Variants in PDE10A observed in about 807,000 individuals in gnomAD.
The protein encoded by PDE10A is phosphodiesterase 10A, also known as cAMP and cAMP-inhibited cGMP 3',5'-cyclic phosphodiesterase 10A.
In PDE10A, 39 loss-of-function variants were observed where a neutral mutation model predicts 97.7. The observed-to-expected ratio is 0.40, with a 90% CI of 0.31 to 0.52. The LOEUF (loss-of-function observed/expected upper bound fraction) is 0.52. Ranked by LOEUF, PDE10A falls within the 20% of genes least tolerant of loss-of-function variation. PDE10A has a pLI of 0.56. For synonymous variants in PDE10A, 371 were observed against 376.8 expected, an observed-to-expected ratio of 0.98 and a Z score of 0.18; for missense variants, 731 against 1,047.8, an observed-to-expected ratio of 0.70 and a Z score of 4.17.
At chr6:165,466,993 T>C (rs952457030) in intron 3 of PDE10A, among the ~76,000 whole-genome samples, 11 of 152,124 alleles carry the variant, frequency 7.2e-5, no homozygotes, top group African/African-American at 2.7e-4. Flanking sequence ...ATATGAATAA[T>C]AAGAAGAAAC....
rs200450461 is a variant in PDE10A, at chr6:165,937,289, TC to T, written c.-615+50239del. 3.7e-3 allele frequency among the ~76,000 whole-genome samples: 569 copies of T among 152,274 alleles called. 8 individuals carry two copies. Among genetic ancestry groups the T allele is most frequent in the African/African-American group, 0.013 (534 of 41,546 alleles). The stretch of plus-strand genomic sequence containing the variant: ...TTAATAAGACTTTTGTTTACTTTTT[TC>T]CCCCAAAGTACAAGACAAGAAGACA... On this transcript the variant is annotated intron_variant, in intron 1 of 19. Transcript: ENST00000366882.
intron 1 of PDE10A, among the ~76,000 whole-genome samples, chr6:165,616,899 TA>T (rs1266820307): frequency 2.3e-4 from 35 of 152,198 alleles, no homozygotes; most frequent in Admixed American, 3.9e-4. Flanking sequence ...TGTATTTTAC[TA>T]AAAATAAATA....
chr6:165,354,865 C>G (rs974170803), intron 18 of PDE10A, among the ~76,000 whole-genome samples: 3 of 152,208 alleles, frequency 2.0e-5, no homozygotes, highest in Non-Finnish European at 4.4e-5. Context: ...TCTACACAGT[C>G]CATCTCATAT....
chr6:165,595,195 T>G (rs1786515462), intron 1 of PDE10A, among the ~76,000 whole-genome samples: 1 of 152,186 alleles, frequency 6.6e-6, no homozygotes, highest in Non-Finnish European at 1.5e-5. Flanking sequence ...GCAGCTCACC[T>G]GCCGTAGCCT....
chr6:165,901,941 A>G (rs1175293271), intron 1 of PDE10A, among the ~76,000 whole-genome samples: 1 of 152,224 alleles, frequency 6.6e-6, no homozygotes, highest in East Asian at 1.9e-4. Flanking sequence ...AGGTCAGAGT[A>G]TCCAGATATA....
chr6:165,524,187 TA>T (rs1205080805), intron 2 of PDE10A, among the ~76,000 whole-genome samples: 1 of 152,178 alleles, frequency 6.6e-6, no homozygotes, highest in East Asian at 1.9e-4. Context: ...TAATACTTAA[TA>T]AACTCCTCAC....
intron 9 of PDE10A, among the ~76,000 whole-genome samples, chr6:165,429,622 G>C (rs1030825470): frequency 2.0e-5 from 3 of 151,994 alleles, no homozygotes; most frequent in African/African-American, 7.2e-5. Context: ...TATTCCTTTA[G>C]TGAACTTGTA....
chr6:165,846,426 G>T (rs1170514300), intron 1 of PDE10A, among the ~76,000 whole-genome samples: 1 of 152,232 alleles, frequency 6.6e-6, no homozygotes, highest in Non-Finnish European at 1.5e-5. Flanking sequence ...TGGCAAACAC[G>T]CAATCCTAGA....
rs10806820 is a variant in PDE10A, at chr6:165,365,630, G to C, written c.2783+13564C>G. ...AGCTACTTGAAAGACTGAGGTAGGA[G>C]GAACCCTTGAGCCTGGGAGGTCAAG... On this transcript the variant is annotated intron_variant, in intron 18 of 21. Transcript: ENST00000539869. Among the ~76,000 whole-genome samples, 29 of 152,292 alleles carry C rather than the reference G, an allele frequency of 1.9e-4. 1 individual carries two copies. The East Asian group carries it at 3.7e-3, about 19-fold the overall frequency.
chr6:165,574,065 A>T (rs1203083147), intron 1 of PDE10A, among the ~76,000 whole-genome samples: 1 of 152,250 alleles, frequency 6.6e-6, no homozygotes, highest in Non-Finnish European at 1.5e-5. Context: ...AGGTTTTAGC[A>T]ACTTATTAAC....
At chr6:165,890,054 A>C (rs1342497934) in intron 1 of PDE10A, among the ~76,000 whole-genome samples, 124 of 38,966 alleles carry the variant, frequency 3.2e-3, no homozygotes, top group Admixed American at 4.4e-3. Context: ...CTCACTCTTC[A>C]CTCCTCCCTC....
chr6:165,731,202 T>C (rs1792427387), intron 1 of PDE10A, among the ~76,000 whole-genome samples: 1 of 152,058 alleles, frequency 6.6e-6, no homozygotes, highest in Non-Finnish European at 1.5e-5. Context: ...TCCTGGAGAC[T>C]CGATAGAGAA....
At chr6:165,885,694 C>A (rs1781612557) in intron 1 of PDE10A, among the ~76,000 whole-genome samples, 1 of 152,236 alleles carries the variant, frequency 6.6e-6, no homozygotes, top group East Asian at 1.9e-4. Flanking sequence ...TCTAAAGCTC[C>A]TGGGCAGATC....
At chr6:165,481,379 A>T (rs1023792087) in intron 3 of PDE10A, among the ~76,000 whole-genome samples, 4 of 152,122 alleles carry the variant, frequency 2.6e-5, no homozygotes, top group Admixed American at 1.3e-4. Context: ...ATTGCTATGG[A>T]CACAAGGAAT....
At chr6:165,843,601 C>A (rs149857829) in intron 1 of PDE10A, among the ~76,000 whole-genome samples, 1 of 152,136 alleles carries the variant, frequency 6.6e-6, no homozygotes, top group Non-Finnish European at 1.5e-5. Context: ...CTCCTTTCCA[C>A]GGACACCCAC....
intron 1 of PDE10A, among the ~76,000 whole-genome samples, chr6:165,738,453 A>G (rs1409767613): frequency 1.3e-5 from 2 of 150,956 alleles, no homozygotes; most frequent in Non-Finnish European, 3.0e-5. Flanking sequence ...TGCTATTGTG[A>G]ATAATGCCGC....
intron 1 of PDE10A, among the ~76,000 whole-genome samples, chr6:165,974,284 G>A (rs887657326): frequency 6.6e-6 from 1 of 152,208 alleles, no homozygotes; most frequent in Non-Finnish European, 1.5e-5. Context: ...CTGCAAGAAT[G>A]TGCATGAAAC....
rs1778260754 is a variant in PDE10A at position 165,460,561 on chromosome 6, CATTTCCATCA to C, written c.1024-10209_1024-10200del. Among the ~76,000 whole-genome samples the C allele has an allele frequency of 2.0e-5, 3 of 152,180 alleles. 1 individual carries two copies. In the East Asian group the frequency reaches 5.8e-4, roughly 29 times the overall value. ...AAGGTTTGGTAGATACAGGAGCAGACATTTCCATCATTTCTCTACAGCACTGGCCGTCCGA... is the reference window on the plus strand; with the variant it reads ...AAGGTTTGGTAGATACAGGAGCAGACTTTCTCTACAGCACTGGCCGTCCGA... On this transcript the variant is annotated intron_variant, in intron 3 of 21. Coordinates refer to ENST00000539869, the MANE Select transcript of PDE10A (RefSeq NM_001385079.1).
chr6:165,656,199 T>C (rs1309565840), intron 1 of PDE10A, among the ~76,000 whole-genome samples: 2 of 151,000 alleles, frequency 1.3e-5, no homozygotes, highest in African/African-American at 2.4e-5. Flanking sequence ...TGATATCTCT[T>C]TTCTCTGGGC....
Sources: allele counts gnomAD v4.1 joint callset (sites outside exome capture counted in the v4.1 genomes callset), GRCh38; gene constraint gnomAD v4.1.1; transcripts MANE v1.5; gene names NCBI Gene and HGNC (gene_info 2026-07-23, HGNC 2026-07-21).